The following HTRA1 variants were observed in gnomAD, a reference collection of about 807,000 sequenced individuals.
HTRA1 encodes HtrA serine peptidase 1, also known as serine protease HTRA1.
A neutral mutation model predicts 49.7 loss-of-function variants in HTRA1; 26 were observed. The ratio of observed to expected loss-of-function variants is 0.52; its 90% CI spans 0.38 to 0.73. The LOEUF is 0.73. Ranked by LOEUF, HTRA1 falls within the 30% of genes least tolerant of loss-of-function variation. The pLI, the probability that HTRA1 is intolerant of heterozygous loss-of-function variation, is 0.00. For missense variants in HTRA1, 561 were observed against 667.2 expected, an observed-to-expected ratio of 0.84 and a Z score of 1.75; for synonymous variants, 291 against 286.9, an observed-to-expected ratio of 1.01 and a Z score of -0.14.
intron 3 of HTRA1, among the ~76,000 whole-genome samples, chr10:122,498,929 C>A (rs1488694844): frequency 6.6e-6 from 1 of 152,210 alleles, no homozygotes; most frequent in Non-Finnish European, 1.5e-5. Flanking sequence ...ATCTGACCTT[C>A]CCTTCCCTGT....
intron 1 of HTRA1, among the ~76,000 whole-genome samples, chr10:122,481,491 T>C (rs2097490967): frequency 6.6e-6 from 1 of 152,222 alleles, no homozygotes; most frequent in African/African-American, 2.4e-5. Context: ...AGCACTTTGC[T>C]AGGGCCCCTC....
chr10:122,462,264 C>T, intron 1 of HTRA1, 140 bp downstream of exon 1: 2 of 765,224 alleles, frequency 2.6e-6, no homozygotes, highest in Non-Finnish European at 2.1e-6. Context: ...GGCAGGTGGG[C>T]CCCGGGGTGG....
In HTRA1 at chr10:122,461,959, C is replaced by G. The variant is rs1253615192; in HGVS notation, c.307C>G (p.Arg103Gly). The G allele has an allele frequency of 6.7e-7, 1 of 1,501,304 alleles. No homozygotes were observed. The highest frequency in any genetic ancestry group is 8.8e-7 in the Non-Finnish European group (1 of 1,132,564). 93.0% of individuals were successfully genotyped at this position (1,501,304 alleles called of 1,614,324 possible). ...FGVPASATVR[R>G]RAQAGLCVCA... ...GGTGCCAGCCTCGGCCACGGTGCGG[C>G]GGCGCGCGCAGGCCGGCCTCTGTGT... is the stretch of plus-strand genomic sequence containing the variant. Residue 103 changes from arginine to glycine, a missense_variant, in exon 1 of 9, where the codon CGG (arginine) becomes GGG (glycine). Arg to Gly is a moderately radical substitution (Grantham distance 125, BLOSUM62 -2). Around this residue, in one of 3 missense-constraint regions of HTRA1, gnomAD observed 271 missense variants for 410.0 expected, o/e 0.66. Coordinates refer to ENST00000368984, the MANE Select transcript of HTRA1 (RefSeq NM_002775.5).
Position 122,475,062 on chromosome 10 carries a change from C to T in HTRA1, c.472+12938C>T, listed in dbSNP as rs545761586. ...GACAGCACAGTGAGGGGTTCACAGC[C>T]AGCTGGCCAGGTGCCCCCCGAAAGC... On this transcript the variant is annotated intron_variant, in intron 1 of 8. Transcript: ENST00000368984. 5.9e-5 allele frequency among the ~76,000 whole-genome samples: 9 copies of T among 152,320 alleles called. No homozygotes were observed. In the East Asian group the frequency reaches 9.7e-4, roughly 16 times the overall value.
intron 3 of HTRA1, among the ~76,000 whole-genome samples, chr10:122,495,447 T>C (rs961181529): frequency 6.6e-6 from 1 of 152,180 alleles, no homozygotes; most frequent in African/African-American, 2.4e-5. Context: ...GACAGTGAAG[T>C]AGAAGCTGGC....
intron 7 of HTRA1, 141 bp from the exon 8 acceptor site, chr10:122,511,829 A>T (rs928275807): frequency 3.0e-6 from 2 of 669,476 alleles, no homozygotes. Context: ...AGGCAATTTT[A>T]ATTTTAAAAT....
intron 1 of HTRA1, among the ~76,000 whole-genome samples, chr10:122,470,297 C>T (rs559947295): frequency 1.2e-4 from 19 of 152,320 alleles, no homozygotes; most frequent in African/African-American, 4.6e-4. Context: ...CCTCAGTTTC[C>T]TCATCTACAA....
intron 3 of HTRA1, among the ~76,000 whole-genome samples, chr10:122,504,285 T>A (rs1301374465): frequency 6.6e-6 from 1 of 152,330 alleles, no homozygotes; most frequent in African/African-American, 2.4e-5. Flanking sequence ...GAAGGAGAGT[T>A]GCCTTTCAGT....
At chr10:122,481,417 G>A (rs991730877) in intron 1 of HTRA1, among the ~76,000 whole-genome samples, 4 of 152,178 alleles carry the variant, frequency 2.6e-5, no homozygotes, top group Non-Finnish European at 4.4e-5. Context: ...GCAAGAGACC[G>A]TGGCCCCAAC....
chr10:122,487,887 C>T lies in HTRA1; in HGVS notation c.473-1015C>T, dbSNP rs557693720. ...TGTTATGGTCCGCGGCTGGCTGAAA[C>T]GTTATGTGGTGCATGACTGTAGGTA... On this transcript the variant is annotated intron_variant, in intron 1 of 8. Coordinates refer to ENST00000368984, the MANE Select transcript of HTRA1 (RefSeq NM_002775.5). This position sits in a 1 kb window ranked among gnomAD's most constrained non-coding sequence, Gnocchi z 4.8. Among the ~76,000 whole-genome samples, 1 of 152,140 alleles carries T rather than the reference C, an allele frequency of 6.6e-6. No homozygotes were observed. Among genetic ancestry groups the T allele is most frequent in the Non-Finnish European group, 1.5e-5 (1 of 68,032 alleles).
In HTRA1 at chr10:122,461,667, C is replaced by A. The variant is rs900233098; in HGVS notation, c.15C>A (p.Arg5=). MQIP[R]AALLPLLLLL... ...CCAGAGTCGCCATGCAGATCCCGCGCGCCGCTCTTCTCCCGCTGCTGCTGC... is the reference window on the plus strand; with the variant it reads ...CCAGAGTCGCCATGCAGATCCCGCGAGCCGCTCTTCTCCCGCTGCTGCTGC... Residue 5 remains arginine (R), a synonymous_variant, in exon 1 of 9, where the codon CGC becomes CGA. Coordinates refer to ENST00000368984, the MANE Select transcript of HTRA1 (RefSeq NM_002775.5). 1 of 1,314,308 alleles carries A rather than the reference C, an allele frequency of 7.6e-7. No individual in the cohort carries two copies. Among genetic ancestry groups the A allele is most frequent in the Non-Finnish European group, 9.8e-7 (1 of 1,016,628 alleles). The allele number at this position is 1,314,308 out of a possible 1,614,324, so 81.4% of individuals were successfully genotyped here.
chr10:122,481,949 A>G (rs2097491202), intron 1 of HTRA1, among the ~76,000 whole-genome samples: 2 of 152,160 alleles, frequency 1.3e-5, no homozygotes, highest in Non-Finnish European at 2.9e-5. Flanking sequence ...GAAGTCCAAT[A>G]AAACCTCCTT....
At position 122,494,799 on chromosome 10, in the gene HTRA1, G is replaced by A. The variant is rs1017408004; in HGVS notation, c.777+5173G>A. 2.0e-5 allele frequency among the ~76,000 whole-genome samples: 3 copies of A among 152,130 alleles called. No individual in the cohort carries two copies. The highest frequency in any genetic ancestry group is 6.5e-5 in the Admixed American group (1 of 15,276). ...GGCTGGTGCAGTGAGAAGGAAGGCCGACACCCCTGATCCTCATCAAGTTCA... is the reference window on the plus strand; with the variant it reads ...GGCTGGTGCAGTGAGAAGGAAGGCCAACACCCCTGATCCTCATCAAGTTCA... On this transcript the variant is annotated intron_variant, in intron 3 of 8. Transcript: ENST00000368984. This position sits in a 1 kb window ranked among gnomAD's most constrained non-coding sequence, Gnocchi z 4.0.
intron 3 of HTRA1, among the ~76,000 whole-genome samples, chr10:122,502,809 C>T (rs1398161804): frequency 6.6e-6 from 1 of 152,214 alleles, no homozygotes; most frequent in African/African-American, 2.4e-5. Flanking sequence ...GAGATCTCCG[C>T]CTGGGCTCTA....
chr10:122,485,673 G>T (rs758722204), intron 1 of HTRA1, among the ~76,000 whole-genome samples: 6 of 152,200 alleles, frequency 3.9e-5, no homozygotes, highest in African/African-American at 1.4e-4. Flanking sequence ...GACTGTGTGA[G>T]AAGGGAACTG....
At chr10:122,511,293 G>T (rs1241738844) in intron 7 of HTRA1, among the ~76,000 whole-genome samples, 1 of 152,142 alleles carries the variant, frequency 6.6e-6, no homozygotes, top group East Asian at 1.9e-4. Flanking sequence ...TCCCCATTTT[G>T]CAGGTGAGGA....
intron 3 of HTRA1, among the ~76,000 whole-genome samples, chr10:122,498,221 A>G (rs2097499546): frequency 6.6e-6 from 1 of 151,468 alleles, no homozygotes; most frequent in Admixed American, 6.6e-5. Context: ...CTCCCCATTT[A>G]TCTGATCTCT....
Position 122,506,678 on chromosome 10 carries a change from A to G in HTRA1, c.778-13A>G. On this transcript the variant is annotated splice_polypyrimidine_tract_variant and intron_variant, in intron 3 of 8. Transcript: ENST00000368984. This position sits in a 1 kb window ranked among gnomAD's most constrained non-coding sequence, Gnocchi z 5.2. ...TTAAACCAACTCAGCAACGCCAGCC[A>G]TTGTGGTTTCAGGGCAAGCTGCCTG... 6.2e-7 allele frequency: 1 copy of G among 1,610,662 alleles called. No homozygotes were observed. The highest frequency in any genetic ancestry group is 8.5e-7 in the Non-Finnish European group (1 of 1,179,354).
chr10:122,510,189 T>G (rs1565436505), intron 7 of HTRA1, 36 bp downstream of exon 7: 1 of 1,579,570 alleles, frequency 6.3e-7, no homozygotes, highest in Non-Finnish European at 8.7e-7. Context: ...GTCTTAAATT[T>G]TAATAAACCT....
Sources: allele counts gnomAD v4.1 joint callset (sites outside exome capture counted in the v4.1 genomes callset), GRCh38; gene constraint gnomAD v4.1.1; regional missense constraint gnomAD v4.1.1; non-coding constraint Gnocchi (gnomAD v3.1); transcripts MANE v1.5; gene names NCBI Gene and HGNC (gene_info 2026-07-23, HGNC 2026-07-21).